The following PRKCH variants were observed in gnomAD, a reference collection of about 807,000 sequenced individuals.
PRKCH encodes the protein protein kinase C eta, also known as protein kinase C eta type.
PRKCH carries 28 observed loss-of-function variants against 82.5 expected under a neutral mutation model. That is an observed-to-expected ratio of 0.34 (90% CI 0.25 to 0.47). PRKCH has a LOEUF of 0.47. Ranked by LOEUF, PRKCH falls within the 20% of genes least tolerant of loss-of-function variation. PRKCH has a pLI of 1.00. For synonymous variants in PRKCH, 322 were observed against 327.4 expected, an observed-to-expected ratio of 0.98 and a Z score of 0.18; for missense variants, 705 against 881.8, an observed-to-expected ratio of 0.80 and a Z score of 2.54.
At chr14:61,343,048 C>G (rs75588580) in intron 1 of PRKCH, among the ~76,000 whole-genome samples, 1 of 152,150 alleles carries the variant, frequency 6.6e-6, no homozygotes, top group Non-Finnish European at 1.5e-5. Flanking sequence ...TTTACCAATT[C>G]GTCTCACACA....
At chr14:61,317,549 CA>C (rs1386926344), upstream of PRKCH, among the ~76,000 whole-genome samples, 1 of 152,216 alleles carries the variant, frequency 6.6e-6, no homozygotes, top group East Asian at 1.9e-4. Flanking sequence ...GCTGGGACTA[CA>C]GGCGTGAGCC....
intron 10 of PRKCH, among the ~76,000 whole-genome samples, chr14:61,498,578 G>A (rs901972348): frequency 2.6e-5 from 4 of 152,144 alleles, no homozygotes; most frequent in African/African-American, 9.7e-5. Context: ...TGGAGACTGG[G>A]AATTCCAAGA....
chr14:61,445,872 CT>C, intron 4 of PRKCH, 146 bp downstream of exon 4: 1 of 821,674 alleles, frequency 1.2e-6, no homozygotes, highest in Non-Finnish European at 1.9e-6. Flanking sequence ...AGATACAACT[CT>C]TTAGTTTGGT....
At position 61,450,727 on chromosome 14, in the gene PRKCH, T is replaced by C. The variant is rs112809251; in HGVS notation, c.703-115T>C. ...CAGGGCTGAGTACAGTAAAATAATA[T>C]ACCTAGCTCAGGTGTCATAGTGACA... On this transcript the variant is annotated intron_variant, in intron 5 of 13. Coordinates refer to ENST00000332981, the MANE Select transcript of PRKCH (RefSeq NM_006255.5). 4.9e-6 allele frequency: 6 copies of C among 1,234,672 alleles called. No individual in the cohort carries two copies. The African/African-American group carries it at 6.1e-5, about 13-fold the overall frequency. The allele number at this position is 1,234,672 out of a possible 1,614,324, so 76.5% of individuals were successfully genotyped here. A position where few individuals can be genotyped will look rare whatever the true frequency, so the allele number is the denominator to read the frequency against.
At chr14:61,209,004 G>A (rs901980084) in intron 1 of PRKCH, among the ~76,000 whole-genome samples, 6 of 152,140 alleles carry the variant, frequency 3.9e-5, no homozygotes, top group African/African-American at 1.4e-4. Context: ...GGATCGTTAA[G>A]AGTTGATTAA....
Position 61,371,697 on chromosome 14 carries a change from A to G in PRKCH, c.364-19528A>G, listed in dbSNP as rs111538935. On this transcript the variant is annotated intron_variant, in intron 1 of 13. Transcript: ENST00000332981. The stretch of plus-strand genomic sequence containing the variant: ...CACTGTTGATGTGAACCTTGATTGC[A>G]TGGCTAAAATTATGTTTGTCAGATT... 2.5e-3 allele frequency among the ~76,000 whole-genome samples: 377 copies of G among 150,240 alleles called. 8 individuals are homozygous for G. Among genetic ancestry groups the G allele is most frequent in the Middle Eastern group, 0.017 (5 of 292 alleles).
intron 2 of PRKCH, among the ~76,000 whole-genome samples, chr14:61,428,129 A>ATATATATATATATATATG (rs1883222481): frequency 1.5e-5 from 2 of 133,882 alleles, no homozygotes; most frequent in African/African-American, 5.3e-5. Context: ...ATATATATAT[A>ATATATATATATATATATG]TATGTATCTC....
intron 7 of PRKCH, 99 bp from the exon 8 acceptor site, chr14:61,457,077 T>C: frequency 1.5e-6 from 2 of 1,328,296 alleles, no homozygotes; most frequent in Non-Finnish European, 2.1e-6. Flanking sequence ...CACGTTATAC[T>C]GGGGGTGAGA....
chr14:61,497,001 A>G (rs947013381), intron 10 of PRKCH, among the ~76,000 whole-genome samples: 2 of 152,152 alleles, frequency 1.3e-5, no homozygotes, highest in Admixed American at 1.3e-4. Context: ...TTTTTAAATA[A>G]ATGAAAGCCT....
intron 1 of PRKCH, among the ~76,000 whole-genome samples, chr14:61,228,707 C>A (rs1190967514): frequency 6.6e-6 from 1 of 151,832 alleles, no homozygotes; most frequent in Non-Finnish European, 1.5e-5. Flanking sequence ...GAAAGCAGTT[C>A]GGGAAAGAGT....
intron 1 of PRKCH, among the ~76,000 whole-genome samples, chr14:61,244,154 AC>A (rs1293538808): frequency 1.3e-5 from 2 of 152,202 alleles, no homozygotes; most frequent in African/African-American, 4.8e-5. Context: ...TGAGACCGCC[AC>A]ATGAGCATTC....
At chr14:61,258,856 T>C (rs1303317160) in intron 1 of PRKCH, among the ~76,000 whole-genome samples, 1 of 152,240 alleles carries the variant, frequency 6.6e-6, no homozygotes, top group Non-Finnish European at 1.5e-5. Context: ...ACCCACAAAC[T>C]ACTCATGTGA....
intron 10 of PRKCH, among the ~76,000 whole-genome samples, chr14:61,522,051 T>C (rs958623831): frequency 2.0e-5 from 3 of 152,146 alleles, no homozygotes; most frequent in African/African-American, 7.2e-5. Context: ...TGCTTAAATA[T>C]CTCCACCTGT....
At chr14:61,337,460 A>G (rs963651119) in intron 1 of PRKCH, among the ~76,000 whole-genome samples, 1 of 152,074 alleles carries the variant, frequency 6.6e-6, no homozygotes, top group Non-Finnish European at 1.5e-5. Flanking sequence ...TCTGTTGCCC[A>G]GTCTGGAGTG....
At position 61,542,154 on chromosome 14, in the gene PRKCH, G is replaced by A. The variant is rs571348036; in HGVS notation, c.1762-5589G>A. Among the ~76,000 whole-genome samples, 246 of 152,196 alleles carry A rather than the reference G, an allele frequency of 1.6e-3. 1 individual carries two copies. The highest frequency in any genetic ancestry group is 5.8e-3 in the African/African-American group (239 of 41,528). ...AAAATACAAAAATTAGTCGGGCGTG[G>A]TGGTGCACACCTGTAATCCCAGCTA... On this transcript the variant is annotated intron_variant, in intron 12 of 13. Coordinates refer to ENST00000332981, the MANE Select transcript of PRKCH (RefSeq NM_006255.5).
At chr14:61,501,593 CT>C (rs745615139) in intron 10 of PRKCH, among the ~76,000 whole-genome samples, 2 of 152,006 alleles carry the variant, frequency 1.3e-5, no homozygotes, top group Non-Finnish European at 2.9e-5. Context: ...GGCAATATTT[CT>C]TTTTTCTTGT....
chr14:61,283,018 G>C (rs1048581252), intron 1 of PRKCH, among the ~76,000 whole-genome samples: 1 of 151,420 alleles, frequency 6.6e-6, no homozygotes, highest in Non-Finnish European at 1.5e-5. Flanking sequence ...AAGGAATTCA[G>C]TTTTCACAAC....
At chr14:61,364,053 T>A (rs1003393022) in intron 1 of PRKCH, among the ~76,000 whole-genome samples, 5 of 147,254 alleles carry the variant, frequency 3.4e-5, no homozygotes, top group Admixed American at 2.0e-4. Flanking sequence ...ATATATATAT[T>A]TGTGTGTATA....
chr14:61,218,704 G>A (rs1198644284), intron 1 of PRKCH, among the ~76,000 whole-genome samples: 2 of 152,184 alleles, frequency 1.3e-5, no homozygotes, highest in South Asian at 2.1e-4. Flanking sequence ...GGGGGAAAAT[G>A]TGAGCTTGTT....
Sources: gnomAD v4.1 joint callset for allele counts (sites outside exome capture counted in the v4.1 genomes callset) on GRCh38, gnomAD v4.1.1 for gene constraint, MANE v1.5 for transcripts, NCBI Gene and HGNC (gene_info 2026-07-23, HGNC 2026-07-21) for gene names.